Variants in ACACB observed in about 807,000 individuals in gnomAD.
ACACB encodes acetyl-CoA carboxylase beta, also known as acetyl-CoA carboxylase 2.
Under a neutral mutation model 278.8 loss-of-function variants are expected in ACACB, and 209 were observed. That is an observed-to-expected ratio of 0.75 (90% CI 0.67 to 0.84). ACACB has a LOEUF of 0.84. Among genes scored for constraint, ACACB ranks in the 40% least tolerant of loss-of-function variants. The probability of loss-of-function intolerance (pLI) is 0.00; values close to 1 mark genes in which losing one functional copy is unlikely to be tolerated. For synonymous variants in ACACB, 1,174 were observed against 1,285.6 expected (o/e 0.91, Z 1.86); for missense variants, 2,850 against 3,269.0 (o/e 0.87, Z 3.13).
In ACACB at chr12:109,242,565, CTA is replaced by C; in HGVS notation, c.5153_5154del (p.Tyr1718Ter). 6.2e-7 allele frequency: 1 copy of C among 1,614,118 alleles called. No homozygotes were observed. The highest frequency in any genetic ancestry group is 1.1e-5 in the South Asian group (1 of 91,080). ...QAQTLGTTYI[Y>X]DFPEMFRQAL... ...CCCAGACCCTGGGAACCACCTACAT[CTA>C]TGACTTCCCGGAAATGTTCAGGCAG... On this transcript the variant is annotated frameshift_variant, in exon 37 of 53. Transcript: ENST00000338432. LOFTEE classifies it high-confidence loss of function.
intron 24 of ACACB, among the ~76,000 whole-genome samples, chr12:109,218,367 A>AGTTT (rs57423055): frequency 0.081 from 12,103 of 150,026 alleles, 570 homozygotes; most frequent in Middle Eastern, 0.13. Context: ...ACGCCCAGCT[A>AGTTT]GTTTGTTTGT....
At chr12:109,199,214 C>T (rs1212398487) in intron 17 of ACACB, among the ~76,000 whole-genome samples, 188 bp from the exon 18 acceptor site, 2 of 152,024 alleles carry the variant, frequency 1.3e-5, no homozygotes, top group Non-Finnish European at 2.9e-5. Context: ...AATAAGAAAG[C>T]ATCACAGCCT....
chr12:109,232,643 A>G (rs1454428313), intron 28 of ACACB, 26 bp from the exon 29 acceptor site: 1 of 1,608,206 alleles, frequency 6.2e-7, no homozygotes, highest in Non-Finnish European at 8.5e-7. Context: ...CAGCTGCCTC[A>G]TCCCCGACTT....
intron 13 of ACACB, among the ~76,000 whole-genome samples, chr12:109,189,504 C>T (rs951115891): frequency 1.3e-5 from 2 of 152,162 alleles, no homozygotes; most frequent in African/African-American, 2.4e-5. Context: ...GAAATTCCAG[C>T]TTTTCTTATT....
intron 18 of ACACB, 45 bp from the exon 19 acceptor site, chr12:109,201,522 T>TA (rs2045330593): frequency 6.2e-7 from 1 of 1,604,992 alleles, no homozygotes; most frequent in Non-Finnish European, 8.5e-7. Flanking sequence ...GCTCTGGGTG[T>TA]CAATCCCGGT....
intron 7 of ACACB, 41 bp from the exon 8 acceptor site, chr12:109,175,890 C>G (rs756898691): frequency 1.3e-6 from 2 of 1,577,922 alleles, no homozygotes; most frequent in Non-Finnish European, 1.7e-6. Flanking sequence ...GTGTGTTTCT[C>G]CTGGATTTGG....
chr12:109,166,224 A>G (rs1194726784), intron 2 of ACACB, among the ~76,000 whole-genome samples: 1 of 152,198 alleles, frequency 6.6e-6, no homozygotes, highest in Non-Finnish European at 1.5e-5. Context: ...TTCTTCCCTG[A>G]TCATAAAACT....
chr12:109,242,300 C>A, intron 36 of ACACB, 137 bp from the exon 37 acceptor site: 1 of 951,564 alleles, frequency 1.1e-6, no homozygotes. Context: ...TTTACGTAGC[C>A]CAGGCACTCA....
intron 1 of ACACB, among the ~76,000 whole-genome samples, chr12:109,122,766 T>A (rs1278509410): frequency 2.0e-5 from 3 of 151,892 alleles, no homozygotes; most frequent in African/African-American, 7.3e-5. Context: ...AGAAGCAGAG[T>A]AAATAGCACA....
chr12:109,247,539 G>GAAAA, intron 39 of ACACB, 67 bp from the exon 40 acceptor site: 1 of 1,022,614 alleles, frequency 9.8e-7, no homozygotes, highest in Non-Finnish European at 1.4e-6. Context: ...TTCACATTAA[G>GAAAA]AAAAAAAAAA....
chr12:109,180,961 C>T (rs1435053385), intron 11 of ACACB, among the ~76,000 whole-genome samples: 1 of 152,184 alleles, frequency 6.6e-6, no homozygotes, highest in Non-Finnish European at 1.5e-5. Flanking sequence ...TAATCATCCT[C>T]GCTTTCCATG....
intron 24 of ACACB, among the ~76,000 whole-genome samples, chr12:109,218,227 G>A (rs1745862957): frequency 1.3e-5 from 2 of 152,050 alleles, no homozygotes; most frequent in South Asian, 4.2e-4. Flanking sequence ...TTTGAGACAG[G>A]GTCTCGCTCT....
At chr12:109,154,244 G>C (rs572670849) in intron 2 of ACACB, among the ~76,000 whole-genome samples, 10 of 152,236 alleles carry the variant, frequency 6.6e-5, no homozygotes, top group Non-Finnish European at 1.3e-4. Flanking sequence ...CGTGCTAGAA[G>C]CACACTGGGT....
chr12:109,136,883 G>A (rs2042977919), intron 1 of ACACB, among the ~76,000 whole-genome samples: 1 of 152,170 alleles, frequency 6.6e-6, no homozygotes, highest in African/African-American at 2.4e-5. Context: ...TTCCAGTACA[G>A]TGTTGAATAG....
In ACACB at chr12:109,206,728, G is replaced by T; in HGVS notation, c.2932G>T (p.Glu978Ter). The change falls in exon 20 of 53, where the codon GAA (glutamate) becomes TAA (stop). Residue 978 changes from glutamate (E) to a stop codon, truncating the protein, a stop_gained. Transcript: ENST00000338432. LOFTEE classifies it high-confidence loss of function. ...TCATCAGGCTGAACCGTTCACAGGA[G>T]AACTCCCTGCCCAGCAGACACTGCC... is the stretch of plus-strand genomic sequence containing the variant. ...KVHPAEPFTG[E>*]LPAQQTLPIL... 1 of 1,614,084 alleles carries T rather than the reference G, an allele frequency of 6.2e-7. No individual in the cohort carries two copies. Among genetic ancestry groups the T allele is most frequent in the Non-Finnish European group, 8.5e-7 (1 of 1,180,046 alleles).
In ACACB at chr12:109,247,655, C is replaced by T; in HGVS notation, c.5621C>T (p.Ser1874Phe). The T allele has an allele frequency of 6.2e-7, 1 of 1,613,952 alleles. No homozygotes were observed. The highest frequency in any genetic ancestry group is 1.3e-5 in the African/African-American group (1 of 75,034). ...CCCCAAGACTACACCAGAATCAGCT[C>T]CCTGAACTCCGTCCACTGTAAACAC... ...LTPQDYTRIS[S>F]LNSVHCKHIE... Residue 1874 changes from serine (S) to phenylalanine (F), a missense_variant, in exon 40 of 53, where the codon TCC (serine) becomes TTC (phenylalanine). By Grantham distance (155) the Ser-to-Phe change is radical. Around this residue, in one of 3 missense-constraint regions of ACACB, gnomAD observed 2,265 missense variants for 2,561.3 expected, o/e 0.88. Coordinates refer to ENST00000338432, the MANE Select transcript of ACACB (RefSeq NM_001093.4).
At position 109,266,719 on chromosome 12, in the gene ACACB, C is replaced by A; in HGVS notation, c.*357C>A. 1 of 160,856 alleles carries A rather than the reference C, an allele frequency of 6.2e-6. No individual in the cohort carries two copies. The highest frequency in any genetic ancestry group is 1.3e-5 in the Non-Finnish European group (1 of 74,128). The allele number at this position is 160,856 out of a possible 1,614,324, so 10.0% of individuals were successfully genotyped here. On this transcript the variant is annotated 3_prime_UTR_variant, in exon 53 of 53. Coordinates refer to ENST00000338432, the MANE Select transcript of ACACB (RefSeq NM_001093.4). ...TCTTTAGGATCCTTGGATACCACAT[C>A]GTGAAATCTTTTATTTTTTTACTCT...
Position 109,233,805 on chromosome 12 carries a change from C to T in ACACB, c.4197C>T (p.Phe1399=). 1 of 1,614,230 alleles carries T rather than the reference C, an allele frequency of 6.2e-7. No individual in the cohort carries two copies. Among genetic ancestry groups the T allele is most frequent in the Non-Finnish European group, 8.5e-7 (1 of 1,180,050 alleles). ...ACGTGCCCAAAGACACCCCCCTCTT[C>T]AGCGAGGCCCGCACCTCCCTATACT... is the stretch of plus-strand genomic sequence containing the variant. ...FANVPKDTPL[F]SEARTSLYSE... The change falls in exon 30 of 53, where the codon TTC becomes TTT. Residue 1399 remains phenylalanine (F), a synonymous_variant. Transcript: ENST00000338432.
chr12:109,246,391 A>C lies in ACACB; in HGVS notation c.5514A>C (p.Ala1838=), dbSNP rs753537176. ...ACAGTGGCGCCCGTATTGGCATGGC[A>C]GAGGAGATCAAACACATGTTCCACG... is the stretch of plus-strand genomic sequence containing the variant. ...AANSGARIGM[A]EEIKHMFHVA... Residue 1838 remains alanine, a synonymous_variant, in exon 39 of 53, where the codon GCA becomes GCC. Transcript: ENST00000338432. 30 of 1,613,506 alleles carry C rather than the reference A, an allele frequency of 1.9e-5. No homozygotes were observed. Among genetic ancestry groups the C allele is most frequent in the Non-Finnish European group, 2.5e-5 (29 of 1,179,964 alleles).
Sources: gnomAD v4.1 joint callset for allele counts (sites outside exome capture counted in the v4.1 genomes callset) on GRCh38, gnomAD v4.1.1 for gene constraint, gnomAD v4.1.1 regional missense constraint, MANE v1.5 for transcripts, NCBI Gene and HGNC (gene_info 2026-07-23, HGNC 2026-07-21) for gene names.